Variants in ERC2 observed in about 807,000 individuals in gnomAD.
The protein encoded by ERC2 is ERC protein 2.
Under a neutral mutation model 114.8 loss-of-function variants are expected in ERC2, and 42 were observed. That is an observed-to-expected ratio of 0.37 (90% CI 0.29 to 0.47). ERC2 has a LOEUF of 0.47. Among genes scored for constraint, ERC2 ranks in the 20% least tolerant of loss-of-function variants. The pLI, the probability that ERC2 is intolerant of heterozygous loss-of-function variation, is 0.99. For synonymous variants in ERC2, 454 were observed against 425.5 expected, an observed-to-expected ratio of 1.07 and a Z score of -0.82; for missense variants, 939 against 1,150.7, an observed-to-expected ratio of 0.82 and a Z score of 2.66.
rs568556207 is a variant in ERC2, at chr3:55,972,403, T to C, written c.2267+13574A>G. 2.6e-5 allele frequency among the ~76,000 whole-genome samples: 4 copies of C among 152,228 alleles called. No homozygotes were observed. In the South Asian group the frequency reaches 6.2e-4, roughly 24 times the overall value. On this transcript the variant is annotated intron_variant, in intron 12 of 17. Transcript: ENST00000288221. ...TTTAAGCCCCACATGCATTAGATAT[T>C]TGTCCTAATGCTCTCCCTTCCCTTG...
chr3:55,950,331 C>T, intron 13 of ERC2, 94 bp downstream of exon 13: 2 of 1,486,794 alleles, frequency 1.3e-6, no homozygotes, highest in East Asian at 2.3e-5. Flanking sequence ...CAAAGTCCAC[C>T]ATTTCTGTGC....
intron 6 of ERC2, among the ~76,000 whole-genome samples, chr3:56,113,446 G>A (rs561927968): frequency 6.6e-6 from 1 of 152,156 alleles, no homozygotes; most frequent in Non-Finnish European, 1.5e-5. Context: ...CCTTCATATA[G>A]CAGCCCTCTA....
intron 17 of ERC2, among the ~76,000 whole-genome samples, chr3:55,681,808 A>G (rs1280822811): frequency 6.6e-6 from 1 of 152,248 alleles, no homozygotes; most frequent in Non-Finnish European, 1.5e-5. Context: ...GCCTTAAGCA[A>G]AGCAAGATTT....
intron 13 of ERC2, among the ~76,000 whole-genome samples, chr3:55,902,468 C>T (rs75312911): frequency 0.019 from 2,896 of 152,138 alleles, 109 homozygotes; most frequent in African/African-American, 0.065. Context: ...AACAAAGACG[C>T]CCACCCAAAC....
Position 55,705,996 on chromosome 3 carries a change from C to T in ERC2, c.2713-6484G>A, listed in dbSNP as rs1485841025. Among the ~76,000 whole-genome samples the T allele has an allele frequency of 4.6e-5, 7 of 152,208 alleles. No individual in the cohort carries two copies. In the East Asian group the frequency reaches 5.8e-4, roughly 13 times the overall value. ...TGCTGCTGTCTTCCCACCAGGAGCC[C>T]GTGCATCTTCCTCGGCTTGAGGTCT... On this transcript the variant is annotated intron_variant, in intron 15 of 17. Coordinates refer to ENST00000288221, the MANE Select transcript of ERC2 (RefSeq NM_015576.3).
At chr3:55,733,542 T>TCACACACA (rs58311179) in intron 15 of ERC2, among the ~76,000 whole-genome samples, 3,425 of 107,596 alleles carry the variant, frequency 0.032, 339 homozygotes, top group African/African-American at 0.041. Flanking sequence ...TCTCTCTCTC[T>TCACACACA]CACACACACA....
At chr3:56,215,206 T>G (rs1346142034) in intron 3 of ERC2, among the ~76,000 whole-genome samples, 1 of 152,194 alleles carries the variant, frequency 6.6e-6, no homozygotes, top group East Asian at 1.9e-4. Context: ...GCAAATTGGA[T>G]AAAGAGTCAA....
chr3:56,044,194 ACT>A (rs1411370991), intron 7 of ERC2, among the ~76,000 whole-genome samples: 2 of 152,114 alleles, frequency 1.3e-5, no homozygotes, highest in Admixed American at 6.6e-5. Context: ...GTTCTTCAAG[ACT>A]CTGTCTGAAA....
At chr3:55,720,239 T>TTCTCTCTCTC (rs1285257457) in intron 15 of ERC2, among the ~76,000 whole-genome samples, 1 of 12,056 alleles carries the variant, frequency 8.3e-5, no homozygotes, top group African/African-American at 7.6e-4. Flanking sequence ...CTTCTTCTTC[T>TTCTCTCTCTC]TCTCTCTCTC....
intron 17 of ERC2, among the ~76,000 whole-genome samples, chr3:55,677,926 C>T (rs2061889024): frequency 6.6e-6 from 1 of 152,132 alleles, no homozygotes; most frequent in Admixed American, 6.5e-5. Flanking sequence ...ACTACCTTGA[C>T]TCAGTACTGA....
intron 2 of ERC2, among the ~76,000 whole-genome samples, chr3:56,363,854 G>A (rs907144804): frequency 1.8e-4 from 27 of 148,620 alleles, no homozygotes; most frequent in Admixed American, 1.7e-3. Context: ...AGGGAGGAAG[G>A]GAAAAAGAAA....
At chr3:55,516,907 G>T (rs144060253) in intron 17 of ERC2, among the ~76,000 whole-genome samples, 118 of 152,282 alleles carry the variant, frequency 7.7e-4, no homozygotes, top group Non-Finnish European at 1.5e-3. Context: ...TTGGTTAATA[G>T]CCCCTCATGC....
intron 14 of ERC2, among the ~76,000 whole-genome samples, chr3:55,794,007 G>T (rs1310280836): frequency 6.6e-6 from 1 of 152,130 alleles, no homozygotes; most frequent in Non-Finnish European, 1.5e-5. Flanking sequence ...AGCATTAAAA[G>T]CAAAACCATG....
At chr3:55,625,638 C>A (rs1294385069) in intron 17 of ERC2, among the ~76,000 whole-genome samples, 1 of 152,062 alleles carries the variant, frequency 6.6e-6, no homozygotes, top group African/African-American at 2.4e-5. Flanking sequence ...GTAGTCCCAG[C>A]TACTCGGGAG....
chr3:55,810,745 C>T (rs1201874060), intron 14 of ERC2, among the ~76,000 whole-genome samples: 1 of 152,180 alleles, frequency 6.6e-6, no homozygotes, highest in South Asian at 2.1e-4. Context: ...CAGGCGTGAG[C>T]CACCACACTT....
Position 55,721,420 on chromosome 3 carries a change from G to A in ERC2, c.2712+13351C>T, listed in dbSNP as rs889231917. ...CAAAAGCGAATCCTGCCAATTGCCT[G>A]TGCATCCTCAAAGGCCTTGTCATAG... On this transcript the variant is annotated intron_variant, in intron 15 of 17. Transcript: ENST00000288221. 9.8e-5 allele frequency among the ~76,000 whole-genome samples: 15 copies of A among 152,378 alleles called. No individual in the cohort carries two copies. The East Asian group carries it at 2.7e-3, about 27-fold the overall frequency.
intron 14 of ERC2, among the ~76,000 whole-genome samples, chr3:55,778,237 A>C (rs937900437): frequency 6.6e-6 from 1 of 152,318 alleles, no homozygotes; most frequent in South Asian, 2.1e-4. Context: ...TTAAATCCTC[A>C]GAGGGCTACT....
chr3:55,599,651 T>C (rs1008967269), intron 17 of ERC2, among the ~76,000 whole-genome samples: 7 of 152,172 alleles, frequency 4.6e-5, no homozygotes, highest in African/African-American at 1.7e-4. Flanking sequence ...ACTAAATCAA[T>C]AGTGCTATGC....
intron 17 of ERC2, among the ~76,000 whole-genome samples, chr3:55,536,713 A>G (rs1227864919): frequency 1.3e-5 from 2 of 152,202 alleles, no homozygotes; most frequent in Admixed American, 1.3e-4. Flanking sequence ...GGGTGTGGGA[A>G]ATAACTGAAG....
Sources: gnomAD v4.1 joint callset for allele counts (sites outside exome capture counted in the v4.1 genomes callset) on GRCh38, gnomAD v4.1.1 for gene constraint, MANE v1.5 for transcripts, NCBI Gene and HGNC (gene_info 2026-07-23, HGNC 2026-07-21) for gene names.